The following MBD2 variants were observed in gnomAD, a reference collection of about 807,000 sequenced individuals.
MBD2 encodes the protein methyl-CpG-binding domain protein 2.
Under a neutral mutation model 39.3 loss-of-function variants are expected in MBD2, and 9 were observed. The observed-to-expected ratio is 0.23, with a 90% CI of 0.14 to 0.40. MBD2 has a LOEUF of 0.40. Among genes scored for constraint, MBD2 ranks in the 10% least tolerant of loss-of-function variants. MBD2 has a pLI of 1.00. For missense variants in MBD2, 458 were observed against 532.6 expected, an observed-to-expected ratio of 0.86 and a Z score of 1.38; for synonymous variants, 233 against 211.1, an observed-to-expected ratio of 1.10 and a Z score of -0.90.
chr18:54,180,814 T>C (rs1303644694), intron 3 of MBD2, among the ~76,000 whole-genome samples: 1 of 152,036 alleles, frequency 6.6e-6, no homozygotes, highest in Non-Finnish European at 1.5e-5. Context: ...CTCATGACAG[T>C]TGTCATGTTT....
chr18:54,215,997 G>A lies in MBD2; in HGVS notation c.542+8021C>T, dbSNP rs187015139. Among the ~76,000 whole-genome samples, 12 of 151,634 alleles carry A rather than the reference G, an allele frequency of 7.9e-5. No homozygotes were observed. The East Asian group carries it at 9.7e-4, about 12-fold the overall frequency. On this transcript the variant is annotated intron_variant, in intron 1 of 6. Coordinates refer to ENST00000256429, the MANE Select transcript of MBD2 (RefSeq NM_003927.5). ...TTTCTTGTATTTCTTAGTAGAGATG[G>A]AGTTTCACCATGTTGGTCAGGCTGG... is the stretch of plus-strand genomic sequence containing the variant.
At chr18:54,158,393 T>C (rs148507257) in intron 6 of MBD2, among the ~76,000 whole-genome samples, 1 of 152,162 alleles carries the variant, frequency 6.6e-6, no homozygotes, top group Non-Finnish European at 1.5e-5. Flanking sequence ...GACATCATAT[T>C]AGCACCCCAT....
chr18:54,164,840 T>C (rs1055002791), intron 4 of MBD2, 140 bp from the exon 5 acceptor site: 16 of 593,842 alleles, frequency 2.7e-5, no homozygotes, highest in Admixed American at 2.1e-4. Flanking sequence ...CAGCAAAAGA[T>C]AATATATCTA....
At chr18:54,208,641 A>C (rs545471275) in intron 1 of MBD2, among the ~76,000 whole-genome samples, 1 of 152,370 alleles carries the variant, frequency 6.6e-6, no homozygotes, top group East Asian at 1.9e-4. Flanking sequence ...CTTACCAAAA[A>C]GATAAGCATA....
intron 5 of MBD2, among the ~76,000 whole-genome samples, chr18:54,162,348 G>T (rs2086103605): frequency 6.6e-6 from 1 of 152,192 alleles, no homozygotes; most frequent in Admixed American, 6.5e-5. Flanking sequence ...TCTTCAGCTG[G>T]AGGTTTAATG....
At chr18:54,181,808 T>G (rs1249187526) in intron 3 of MBD2, among the ~76,000 whole-genome samples, 2 of 152,216 alleles carry the variant, frequency 1.3e-5, no homozygotes, top group Non-Finnish European at 2.9e-5. Flanking sequence ...CATCAGTTAT[T>G]GTATGACCAG....
intron 3 of MBD2, among the ~76,000 whole-genome samples, chr18:54,177,958 G>A (rs1198252507): frequency 6.7e-6 from 1 of 149,638 alleles, no homozygotes; most frequent in Non-Finnish European, 1.5e-5. Context: ...TCCTGCCTCA[G>A]CCACCCGAGT....
chr18:54,159,714 C>A, intron 6 of MBD2, 51 bp downstream of exon 6: 1 of 1,585,962 alleles, frequency 6.3e-7, no homozygotes. Context: ...CTATGTCCGG[C>A]CAAGAAAACA....
chr18:54,174,091 A>G (rs2086195229), intron 3 of MBD2, among the ~76,000 whole-genome samples: 1 of 152,204 alleles, frequency 6.6e-6, no homozygotes, highest in Admixed American at 6.5e-5. Context: ...TCTGGAGCAG[A>G]ATTTCTCAGT....
chr18:54,194,904 G>C (rs969935212), intron 2 of MBD2, among the ~76,000 whole-genome samples: 2 of 152,048 alleles, frequency 1.3e-5, no homozygotes, highest in Non-Finnish European at 2.9e-5. Context: ...CTGTGCCTGA[G>C]TCATTCGTGT....
chr18:54,219,998 T>G (rs954017768), intron 1 of MBD2, among the ~76,000 whole-genome samples: 1 of 152,156 alleles, frequency 6.6e-6, no homozygotes, highest in African/African-American at 2.4e-5. Flanking sequence ...AAACAGGGTT[T>G]CATCATGTTA....
In MBD2 at chr18:54,159,707, T is replaced by C. The variant is rs1239765981; in HGVS notation, c.*12+58A>G. The C allele has an allele frequency of 3.4e-5, 54 of 1,576,082 alleles. No individual in the cohort carries two copies. The East Asian group carries it at 5.4e-4, about 16-fold the overall frequency. On this transcript the variant is annotated intron_variant, in intron 6 of 6. Transcript: ENST00000256429. The stretch of plus-strand genomic sequence containing the variant: ...GCTGGGATTACAGGCAGAAGCACTA[T>C]GTCCGGCCAAGAAAACACACCTTAA...
rs1375003369 is a variant in MBD2, at chr18:54,152,376, T to G, written c.*2948A>C. 6.6e-6 allele frequency: 1 copy of G among 152,254 alleles called. No homozygotes were observed. The highest frequency in any genetic ancestry group is 1.9e-4 in the East Asian group (1 of 5,188). 9.4% of individuals were successfully genotyped at this position (152,254 alleles called of 1,614,324 possible). ...GGTGCAGTGAGGAATAGTGGCAGCA[T>G]GAGGCCAGACAGACAAGCAGGGATC... is the stretch of plus-strand genomic sequence containing the variant. On this transcript the variant is annotated 3_prime_UTR_variant, in exon 7 of 7. Transcript: ENST00000256429.
At chr18:54,191,268 A>G (rs1742676690) in intron 2 of MBD2, among the ~76,000 whole-genome samples, 1 of 152,148 alleles carries the variant, frequency 6.6e-6, no homozygotes, top group African/African-American at 2.4e-5. Context: ...TTGCATTTCT[A>G]TTAAGGTCTC....
chr18:54,162,238 G>C (rs929855753), intron 5 of MBD2, among the ~76,000 whole-genome samples: 1 of 152,174 alleles, frequency 6.6e-6, no homozygotes, highest in Non-Finnish European at 1.5e-5. Context: ...AAGCTGCAAA[G>C]TTTGTGAGAA....
At chr18:54,184,356 A>G (rs759277492) in intron 3 of MBD2, among the ~76,000 whole-genome samples, 2 of 152,136 alleles carry the variant, frequency 1.3e-5, no homozygotes, top group Non-Finnish European at 2.9e-5. Context: ...TCTAGGTTGC[A>G]TGCTCCTTAT....
chr18:54,169,800 C>CA (rs1321639534), intron 3 of MBD2, among the ~76,000 whole-genome samples: 1 of 152,200 alleles, frequency 6.6e-6, no homozygotes, highest in African/African-American at 2.4e-5. Flanking sequence ...GTATAAGGAA[C>CA]AGTGATTTAA....
At chr18:54,215,835 CTT>C (rs752322520) in intron 1 of MBD2, among the ~76,000 whole-genome samples, 6 of 147,676 alleles carry the variant, frequency 4.1e-5, no homozygotes, top group Non-Finnish European at 8.9e-5. Context: ...GAGTTTCGCT[CTT>C]GTTGCCCAGG....
chr18:54,183,108 G>C (rs547901992), intron 3 of MBD2, among the ~76,000 whole-genome samples: 1 of 152,296 alleles, frequency 6.6e-6, no homozygotes, highest in South Asian at 2.1e-4. Flanking sequence ...TCCAGCTTAG[G>C]CAGCCAAGCG....
Sources: gnomAD v4.1 joint callset for allele counts (sites outside exome capture counted in the v4.1 genomes callset) on GRCh38, gnomAD v4.1.1 for gene constraint, MANE v1.5 for transcripts, NCBI Gene and HGNC (gene_info 2026-07-23, HGNC 2026-07-21) for gene names.